Variants in UGGT2 observed in about 807,000 individuals in gnomAD.
UGGT2 encodes the protein UDP-glucose:glycoprotein glucosyltransferase 2.
A neutral mutation model predicts 192.1 loss-of-function variants in UGGT2; 180 were observed. That is an observed-to-expected ratio of 0.94 (90% confidence interval 0.83 to 1.06). UGGT2 has a LOEUF of 1.06. Among genes scored for constraint, UGGT2 ranks in the 50% least tolerant of loss-of-function variants. The pLI is 0.00. For synonymous variants in UGGT2, 580 were observed against 591.0 expected (o/e 0.98, Z 0.27); for missense variants, 1,849 against 1,795.7 (o/e 1.03, Z -0.54).
At chr13:96,037,733 A>G (rs891739149) in intron 1 of UGGT2, among the ~76,000 whole-genome samples, 1 of 152,200 alleles carries the variant, frequency 6.6e-6, no homozygotes, top group Non-Finnish European at 1.5e-5. Flanking sequence ...TTAAGTTCCT[A>G]TCTGCCCAGC....
At chr13:95,925,892 A>C in intron 19 of UGGT2, 118 bp from the exon 20 acceptor site, 1 of 588,580 alleles carries the variant, frequency 1.7e-6, no homozygotes, top group Non-Finnish European at 2.8e-6. Context: ...CTGAAAAGCA[A>C]AGATTTTTAA....
chr13:96,039,314 C>T (rs2053097663), intron 1 of UGGT2, among the ~76,000 whole-genome samples: 1 of 152,192 alleles, frequency 6.6e-6, no homozygotes, highest in South Asian at 2.1e-4. Flanking sequence ...TCGGTCCAAG[C>T]TGACAGTGTT....
At chr13:95,973,361 A>G (rs1022294227) in intron 10 of UGGT2, among the ~76,000 whole-genome samples, 3 of 152,120 alleles carry the variant, frequency 2.0e-5, no homozygotes, top group Admixed American at 2.0e-4. Context: ...ACAATACATG[A>G]TATTACAGTT....
intron 20 of UGGT2, among the ~76,000 whole-genome samples, chr13:95,925,440 ATG>A (rs937603245): frequency 6.6e-6 from 1 of 152,154 alleles, no homozygotes; most frequent in Non-Finnish European, 1.5e-5. Context: ...AATATGTGGT[ATG>A]TGTATGTCTG....
chr13:95,819,046 A>G (rs1381304488), intron 38 of UGGT2, among the ~76,000 whole-genome samples: 1 of 152,228 alleles, frequency 6.6e-6, no homozygotes, highest in African/African-American at 2.4e-5. Flanking sequence ...AAATACTATG[A>G]GAAATAAAAA....
chr13:96,030,324 CTTCA>C (rs1021808275), intron 2 of UGGT2, among the ~76,000 whole-genome samples: 47 of 152,200 alleles, frequency 3.1e-4, no homozygotes, highest in African/African-American at 1.0e-3. Flanking sequence ...TTGCTGTCTC[CTTCA>C]TTGTTTCACA....
In UGGT2 at chr13:95,863,525, T is replaced by A. The variant is rs190413910; in HGVS notation, c.3644+104A>T. 6 of 820,168 alleles carry A rather than the reference T, an allele frequency of 7.3e-6. No individual in the cohort carries two copies. The African/African-American group carries it at 1.0e-4, about 14-fold the overall frequency. The allele number at this position is 820,168 out of a possible 1,614,324, so 50.8% of individuals were successfully genotyped here. On this transcript the variant is annotated intron_variant, in intron 31 of 38. Transcript: ENST00000376747. ...TGTATTTATCTTATCCCTCCTAGAT[T>A]AGAGGACCTTTGCCTTACTTAAATT...
chr13:96,021,994 C>T (rs1223501986), intron 4 of UGGT2, among the ~76,000 whole-genome samples: 2 of 151,904 alleles, frequency 1.3e-5, no homozygotes, highest in Non-Finnish European at 2.9e-5. Flanking sequence ...AAAGCATCAA[C>T]AAATACAAGG....
chr13:95,817,331 T>A (rs1885007495), intron 38 of UGGT2, among the ~76,000 whole-genome samples: 1 of 152,180 alleles, frequency 6.6e-6, no homozygotes, highest in South Asian at 2.1e-4. Flanking sequence ...AGGCCTGTAA[T>A]CCCAGCACTT....
intron 15 of UGGT2, among the ~76,000 whole-genome samples, chr13:95,945,686 C>A (rs528905426): frequency 2.0e-5 from 3 of 152,232 alleles, no homozygotes; most frequent in African/African-American, 7.2e-5. Context: ...ATGGCTGAAT[C>A]TTGAATCTTA....
At chr13:95,972,134 G>T (rs989394823) in intron 11 of UGGT2, among the ~76,000 whole-genome samples, 4 of 90,236 alleles carry the variant, frequency 4.4e-5, no homozygotes, top group Non-Finnish European at 8.9e-5. Context: ...AAATTTTGAA[G>T]AATTTTTTTT....
chr13:95,882,286 CAT>C (rs2047517507), intron 27 of UGGT2, among the ~76,000 whole-genome samples: 1 of 152,168 alleles, frequency 6.6e-6, no homozygotes, highest in African/African-American at 2.4e-5. Flanking sequence ...TAGTGACAAT[CAT>C]GTGAACAAAG....
chr13:96,005,210 C>T (rs1232199690), intron 5 of UGGT2, among the ~76,000 whole-genome samples: 2 of 151,984 alleles, frequency 1.3e-5, no homozygotes, highest in African/African-American at 4.8e-5. Context: ...AGAATGATAA[C>T]AGAAGAAAAA....
intron 5 of UGGT2, among the ~76,000 whole-genome samples, chr13:96,005,826 A>C (rs1479796706): frequency 2.6e-5 from 4 of 152,228 alleles, no homozygotes; most frequent in Non-Finnish European, 4.4e-5. Flanking sequence ...GGAAAGCTAT[A>C]AGAAACACAT....
At chr13:96,025,690 G>A (rs1379983301) in intron 2 of UGGT2, among the ~76,000 whole-genome samples, 1 of 152,006 alleles carries the variant, frequency 6.6e-6, no homozygotes, top group African/African-American at 2.4e-5. Context: ...TAAGTTTTTA[G>A]CTTGCAAGCA....
intron 4 of UGGT2, among the ~76,000 whole-genome samples, chr13:96,019,641 A>G (rs2052455889): frequency 1.3e-5 from 2 of 152,340 alleles, no homozygotes; most frequent in African/African-American, 4.8e-5. Context: ...GGGCAAGTGC[A>G]AATTACTTTC....
At chr13:96,030,284 T>C (rs1045582995) in intron 2 of UGGT2, among the ~76,000 whole-genome samples, 8 of 152,208 alleles carry the variant, frequency 5.3e-5, no homozygotes, top group African/African-American at 1.9e-4. Flanking sequence ...CAATTAAAGC[T>C]CTTATCGCCT....
At chr13:95,905,671 C>T (rs1343042122) in intron 20 of UGGT2, among the ~76,000 whole-genome samples, 1 of 152,066 alleles carries the variant, frequency 6.6e-6, no homozygotes, top group Admixed American at 6.6e-5. Context: ...TGTTTTGGTA[C>T]CAGTACCATG....
intron 28 of UGGT2, 110 bp from the exon 29 acceptor site, chr13:95,877,474 A>C: frequency 1.0e-6 from 1 of 983,956 alleles, no homozygotes. Flanking sequence ...TAGAATGAAT[A>C]AATTCTATAA....
Sources: gnomAD v4.1 joint callset for allele counts (sites outside exome capture counted in the v4.1 genomes callset) on GRCh38, gnomAD v4.1.1 for gene constraint, MANE v1.5 for transcripts, NCBI Gene and HGNC (gene_info 2026-07-23, HGNC 2026-07-21) for gene names.